PDLIM5: variants seen among roughly 807,000 people sequenced by gnomAD.
PDLIM5 encodes PDZ and LIM domain 5.
In PDLIM5, 34 loss-of-function variants were observed where a neutral mutation model predicts 64.2. The ratio of observed to expected loss-of-function variants is 0.53; its 90% CI spans 0.40 to 0.71. The LOEUF is 0.71. Ranked by LOEUF, PDLIM5 falls within the 30% of genes least tolerant of loss-of-function variation. The pLI, the probability that PDLIM5 is intolerant of heterozygous loss-of-function variation, is 0.00. For synonymous variants in PDLIM5, 253 were observed against 269.1 expected (o/e 0.94, Z 0.59); for missense variants, 683 against 733.6 (o/e 0.93, Z 0.80).
At chr4:94,555,773 A>G (rs529686044) in intron 3 of PDLIM5, among the ~76,000 whole-genome samples, 1 of 152,134 alleles carries the variant, frequency 6.6e-6, no homozygotes, top group African/African-American at 2.4e-5. Flanking sequence ...GATAATTTTC[A>G]TAGATTTCTT....
At chr4:94,623,995 C>T (rs1342938238) in intron 8 of PDLIM5, among the ~76,000 whole-genome samples, 2 of 151,980 alleles carry the variant, frequency 1.3e-5, no homozygotes, top group Admixed American at 1.3e-4. Context: ...TGTAAAGCCC[C>T]ATGATAGGAA....
At position 94,640,828 on chromosome 4, in the gene PDLIM5, A is replaced by G. The variant is rs886793072; in HGVS notation, c.1283+378A>G. Among the ~76,000 whole-genome samples, 16 of 152,316 alleles carry G rather than the reference A, an allele frequency of 1.1e-4. No homozygotes were observed. In the South Asian group the frequency reaches 3.1e-3, roughly 30 times the overall value. The stretch of plus-strand genomic sequence containing the variant: ...TATAGAAGTGAGGACATTCATTTAG[A>G]TGAAAAATAACTAGTGACATTAAAG... On this transcript the variant is annotated intron_variant, in intron 9 of 12. Coordinates refer to ENST00000317968, the MANE Select transcript of PDLIM5 (RefSeq NM_006457.5).
chr4:94,531,749 G>T (rs2452574), intron 3 of PDLIM5, among the ~76,000 whole-genome samples: 92,417 of 151,966 alleles, frequency 0.61, 30,598 homozygotes, highest in African/African-American at 0.89. Context: ...TCTCCTAGTA[G>T]ATATTTGATA....
intron 2 of PDLIM5, among the ~76,000 whole-genome samples, chr4:94,478,120 G>A (rs1725493816): frequency 1.3e-5 from 2 of 151,978 alleles, no homozygotes; most frequent in South Asian, 2.1e-4. Context: ...CCCGGGCATG[G>A]TGGCTGGCAC....
At chr4:94,628,430 T>C (rs1269637087) in intron 8 of PDLIM5, among the ~76,000 whole-genome samples, 3 of 152,230 alleles carry the variant, frequency 2.0e-5, no homozygotes, top group Non-Finnish European at 4.4e-5. Context: ...AATAGAAATT[T>C]AAGGAGTATC....
At chr4:94,509,886 C>T (rs958643565) in intron 2 of PDLIM5, among the ~76,000 whole-genome samples, 1 of 152,144 alleles carries the variant, frequency 6.6e-6, no homozygotes, top group African/African-American at 2.4e-5. Flanking sequence ...TTTCCCAGCC[C>T]ACTGACTCAA....
chr4:94,522,089 C>A (rs772353391), intron 2 of PDLIM5, among the ~76,000 whole-genome samples: 15 of 152,136 alleles, frequency 9.9e-5, no homozygotes, highest in Non-Finnish European at 1.9e-4. Flanking sequence ...CCTTAGAAGG[C>A]CTCTGAGATC....
At chr4:94,476,575 G>GTAACA (rs1560640865) in intron 2 of PDLIM5, among the ~76,000 whole-genome samples, 2 of 152,142 alleles carry the variant, frequency 1.3e-5, no homozygotes, top group African/African-American at 4.8e-5. Context: ...CATTCTTTAT[G>GTAACA]TAACAGTACA....
At chr4:94,476,764 C>T (rs1486991302) in intron 2 of PDLIM5, among the ~76,000 whole-genome samples, 2 of 152,176 alleles carry the variant, frequency 1.3e-5, no homozygotes, top group African/African-American at 4.8e-5. Flanking sequence ...AGTTTGGACT[C>T]TGGAGCCAGC....
At chr4:94,514,676 T>C (rs1220984538) in intron 2 of PDLIM5, among the ~76,000 whole-genome samples, 2 of 152,222 alleles carry the variant, frequency 1.3e-5, no homozygotes, top group Non-Finnish European at 2.9e-5. Context: ...AAGGCTTTTC[T>C]TTACTGGGAG....
At chr4:94,608,085 C>T in intron 7 of PDLIM5, 1 of 1,532,814 alleles carries the variant, frequency 6.5e-7, no homozygotes, top group East Asian at 2.4e-5. Flanking sequence ...GAAGACCTAC[C>T]TAAGAGTGGA....
At chr4:94,558,797 G>A (rs1021075979) in intron 3 of PDLIM5, among the ~76,000 whole-genome samples, 1 of 151,564 alleles carries the variant, frequency 6.6e-6, no homozygotes, top group Non-Finnish European at 1.5e-5. Context: ...AAAATGAACT[G>A]TCATGATCTC....
intron 7 of PDLIM5, among the ~76,000 whole-genome samples, chr4:94,601,325 G>A (rs999608559): frequency 1.3e-5 from 2 of 152,074 alleles, no homozygotes; most frequent in East Asian, 1.9e-4. Context: ...TTTCATGAGC[G>A]CTCTCTGCCT....
At chr4:94,515,290 G>A (rs1421921133) in intron 2 of PDLIM5, among the ~76,000 whole-genome samples, 3 of 152,076 alleles carry the variant, frequency 2.0e-5, no homozygotes, top group Non-Finnish European at 4.4e-5. Flanking sequence ...ATGCCTTATG[G>A]GAATAGGGCC....
At chr4:94,523,947 C>T (rs1334260703) in intron 3 of PDLIM5, 72 bp downstream of exon 3, 52 of 1,092,364 alleles carry the variant, frequency 4.8e-5, no homozygotes, top group South Asian at 2.1e-4. Context: ...GTCTGACTCA[C>T]GGTGTTAACT....
intron 3 of PDLIM5, among the ~76,000 whole-genome samples, chr4:94,530,996 C>T (rs776596027): frequency 6.6e-6 from 1 of 152,016 alleles, no homozygotes; most frequent in African/African-American, 2.4e-5. Context: ...TTTTTTCAAT[C>T]GAAGTTTTCA....
intron 2 of PDLIM5, among the ~76,000 whole-genome samples, chr4:94,461,443 T>C (rs1417921121): frequency 1.3e-5 from 2 of 152,200 alleles, no homozygotes; most frequent in Admixed American, 1.3e-4. Flanking sequence ...CTATATAGTC[T>C]TGTTGAGAAG....
At chr4:94,485,313 A>G (rs1031238609) in intron 2 of PDLIM5, among the ~76,000 whole-genome samples, 4 of 130,868 alleles carry the variant, frequency 3.1e-5, no homozygotes, top group Admixed American at 1.5e-4. Flanking sequence ...TTCTCTTAAC[A>G]CTTTCACCAT....
At chr4:94,625,936 CAAG>C (rs765830430) in intron 8 of PDLIM5, among the ~76,000 whole-genome samples, 7 of 152,034 alleles carry the variant, frequency 4.6e-5, no homozygotes, top group Non-Finnish European at 1.0e-4. Context: ...TCTTAATTGA[CAAG>C]AATGTAAAAA....
Sources: allele counts gnomAD v4.1 joint callset (sites outside exome capture counted in the v4.1 genomes callset), GRCh38; gene constraint gnomAD v4.1.1; transcripts MANE v1.5; gene names NCBI Gene and HGNC (gene_info 2026-07-23, HGNC 2026-07-21).